The following SLC8A1 variants were observed in gnomAD, a reference collection of about 807,000 sequenced individuals.
SLC8A1 encodes the protein solute carrier family 8 member A1.
SLC8A1 carries 18 observed loss-of-function variants against 68.3 expected under a neutral mutation model. The ratio of observed to expected loss-of-function variants is 0.26; its 90% confidence interval spans 0.18 to 0.39. SLC8A1 has a LOEUF of 0.39. Ranked by LOEUF, SLC8A1 falls within the 10% of genes least tolerant of loss-of-function variation. SLC8A1 has a pLI of 1.00. For missense variants in SLC8A1, 985 were observed against 1,156.7 expected (o/e 0.85, Z 2.15); for synonymous variants, 475 against 415.5 (o/e 1.14, Z -1.74).
chr2:40,501,142 T>C (rs1429467417), intron 1 of SLC8A1, among the ~76,000 whole-genome samples: 1 of 152,082 alleles, frequency 6.6e-6, no homozygotes, highest in African/African-American at 2.4e-5. Flanking sequence ...ACTTGTTTCC[T>C]TACTTCATTG....
intron 2 of SLC8A1, among the ~76,000 whole-genome samples, chr2:40,301,003 A>C (rs1224864968): frequency 6.6e-6 from 1 of 152,174 alleles, no homozygotes; most frequent in Non-Finnish European, 1.5e-5. Flanking sequence ...AAGAGGTAAG[A>C]AAATGTGGTT....
intron 2 of SLC8A1, among the ~76,000 whole-genome samples, chr2:40,280,905 A>C (rs2067420617): frequency 6.6e-6 from 1 of 152,228 alleles, no homozygotes; most frequent in African/African-American, 2.4e-5. Flanking sequence ...AGAATTAATC[A>C]ATCTCTTTAT....
intron 1 of SLC8A1, among the ~76,000 whole-genome samples, chr2:40,479,377 A>T (rs1474422871): frequency 1.3e-5 from 2 of 152,232 alleles, no homozygotes; most frequent in African/African-American, 2.4e-5. Context: ...TTGTTCTACT[A>T]GAGCTTGAAC....
intron 2 of SLC8A1, among the ~76,000 whole-genome samples, chr2:40,410,369 T>G (rs1159092722): frequency 6.6e-6 from 1 of 152,110 alleles, no homozygotes; most frequent in African/African-American, 2.4e-5. Context: ...ATAATTTCAT[T>G]TGATTTTCAT....
intron 2 of SLC8A1, among the ~76,000 whole-genome samples, chr2:40,209,716 G>T (rs924148321): frequency 6.6e-6 from 1 of 152,226 alleles, no homozygotes; most frequent in South Asian, 2.1e-4. Flanking sequence ...TGGCCCATGG[G>T]TAGATGTGGT....
intron 2 of SLC8A1, among the ~76,000 whole-genome samples, chr2:40,239,886 C>A (rs765143271): frequency 1.3e-5 from 2 of 152,220 alleles, no homozygotes; most frequent in Non-Finnish European, 2.9e-5. Flanking sequence ...TAGATTACTT[C>A]TTTTACCCAT....
At chr2:40,341,353 G>A (rs897443735) in intron 2 of SLC8A1, among the ~76,000 whole-genome samples, 1 of 152,210 alleles carries the variant, frequency 6.6e-6, no homozygotes, top group Non-Finnish European at 1.5e-5. Flanking sequence ...AAAAACAGCT[G>A]TCTTCTAACT....
chr2:40,342,161 G>A (rs561372788), intron 2 of SLC8A1, among the ~76,000 whole-genome samples: 1 of 152,154 alleles, frequency 6.6e-6, no homozygotes, highest in East Asian at 1.9e-4. Flanking sequence ...TTTTTGTCTA[G>A]TTGAAAAGAT....
chr2:40,363,509 G>A (rs921115940), intron 2 of SLC8A1, among the ~76,000 whole-genome samples: 1 of 152,046 alleles, frequency 6.6e-6, no homozygotes, highest in Non-Finnish European at 1.5e-5. Context: ...ACTGGCACAT[G>A]GTAAATGATT....
intron 2 of SLC8A1, among the ~76,000 whole-genome samples, chr2:40,317,514 G>A (rs2074626670): frequency 6.6e-6 from 1 of 151,970 alleles, no homozygotes; most frequent in African/African-American, 2.4e-5. Flanking sequence ...ATTAATTATA[G>A]GCTCACTTGG....
chr2:40,242,254 A>G (rs569011737), intron 2 of SLC8A1, among the ~76,000 whole-genome samples: 3 of 152,322 alleles, frequency 2.0e-5, no homozygotes, highest in Non-Finnish European at 2.9e-5. Flanking sequence ...AAAACATCAA[A>G]GATGTTTAAG....
At chr2:40,344,440 G>T (rs985183127) in intron 2 of SLC8A1, among the ~76,000 whole-genome samples, 1 of 152,134 alleles carries the variant, frequency 6.6e-6, no homozygotes, top group South Asian at 2.1e-4. Flanking sequence ...GACACAAAAA[G>T]AAAGGGACAA....
intron 2 of SLC8A1, among the ~76,000 whole-genome samples, chr2:40,212,457 G>A (rs1985526): frequency 0.41 from 62,534 of 151,660 alleles, 15,450 homozygotes; most frequent in Non-Finnish European, 0.57. Context: ...GCTAATTTTT[G>A]TATTTTTAGT....
At chr2:40,359,100 G>A (rs936342647) in intron 2 of SLC8A1, among the ~76,000 whole-genome samples, 11 of 152,140 alleles carry the variant, frequency 7.2e-5, no homozygotes, top group Non-Finnish European at 1.2e-4. Context: ...AAGTGAAGCT[G>A]AAGGTGGGGA....
intron 2 of SLC8A1, among the ~76,000 whole-genome samples, chr2:40,243,889 AT>A (rs1483784011): frequency 6.6e-6 from 1 of 152,152 alleles, no homozygotes; most frequent in Non-Finnish European, 1.5e-5. Context: ...ATAAACAAAC[AT>A]TATTTCTAAA....
chr2:40,429,537 G>A (rs750644440), exon 2 of SLC8A1: 15 of 1,613,572 alleles, frequency 9.3e-6, no homozygotes, highest in Middle Eastern at 1.6e-4. Flanking sequence ...CTACCCAAGC[G>A]AACACAACAC....
chr2:40,506,896 G>A (rs1706404280), intron 1 of SLC8A1, among the ~76,000 whole-genome samples: 1 of 151,940 alleles, frequency 6.6e-6, no homozygotes, highest in South Asian at 2.1e-4. Flanking sequence ...GGTAGAATGT[G>A]AGGAAGAAAG....
intron 1 of SLC8A1, among the ~76,000 whole-genome samples, chr2:40,462,683 C>T (rs1046505952): frequency 2.6e-5 from 4 of 151,922 alleles, no homozygotes; most frequent in Non-Finnish European, 5.9e-5. Context: ...TGGTGCATGC[C>T]TGTATTTCTA....
At chr2:40,232,596 C>G (rs1469417652) in intron 2 of SLC8A1, among the ~76,000 whole-genome samples, 1 of 107,802 alleles carries the variant, frequency 9.3e-6, no homozygotes, top group Non-Finnish European at 2.2e-5. Context: ...ACTTTGTATT[C>G]TGTTTTTTTT....
Sources: allele counts gnomAD v4.1 joint callset (sites outside exome capture counted in the v4.1 genomes callset), GRCh38; gene constraint gnomAD v4.1.1; transcripts MANE v1.5; gene names NCBI Gene and HGNC (gene_info 2026-07-23, HGNC 2026-07-21).